The following ROBO2 variants were observed in gnomAD, a reference collection of about 807,000 sequenced individuals.
The protein encoded by ROBO2 is roundabout guidance receptor 2, also known as roundabout homolog 2.
Under a neutral mutation model 160.8 loss-of-function variants are expected in ROBO2, and 53 were observed. That is an observed-to-expected ratio of 0.33 (90% confidence interval 0.26 to 0.41). The LOEUF (loss-of-function observed/expected upper bound fraction) is 0.41, where lower values mean the gene tolerates loss of function less well. ROBO2 is among the 10% of genes least tolerant of loss of function. The pLI is 1.00. For synonymous variants in ROBO2, 664 were observed against 611.7 expected (o/e 1.09, Z -1.26); for missense variants, 1,577 against 1,722.4 (o/e 0.92, Z 1.49).
chr3:77,560,419 A>G (rs752220353), intron 9 of ROBO2, among the ~76,000 whole-genome samples: 4 of 152,184 alleles, frequency 2.6e-5, no homozygotes, highest in Admixed American at 2.0e-4. Flanking sequence ...GGTAATACCA[A>G]GAGTGAGTTT....
At chr3:77,508,670 T>C (rs2088934622) in intron 5 of ROBO2, among the ~76,000 whole-genome samples, 1 of 151,852 alleles carries the variant, frequency 6.6e-6, no homozygotes, top group Non-Finnish European at 1.5e-5. Flanking sequence ...TGATTTAAAA[T>C]ATTCTAAGTA....
intron 2 of ROBO2, among the ~76,000 whole-genome samples, chr3:77,218,145 T>A (rs2085227954): frequency 6.6e-6 from 1 of 152,164 alleles, no homozygotes; most frequent in Admixed American, 6.5e-5. Context: ...CTAATCATCA[T>A]GTATGGATGT....
At position 77,634,588 on chromosome 3, in the gene ROBO2, T is replaced by C. The variant is rs1413669119; in HGVS notation, c.3761-282T>C. 1.7e-5 allele frequency: 7 copies of C among 402,176 alleles called. No individual in the cohort carries two copies. The East Asian group carries it at 3.4e-4, about 20-fold the overall frequency. The allele number at this position is 402,176 out of a possible 1,614,324, so 24.9% of individuals were successfully genotyped here. ...TTGTCAAGGTTAAATAAAAGTATAA[T>C]CATGCAATATTGAGTTGTGGATTGG... On this transcript the variant is annotated intron_variant, in intron 23 of 25. Coordinates refer to ENST00000461745, the Ensembl canonical transcript of ROBO2.
At chr3:76,161,747 G>C (rs1331896242) in intron 2 of ROBO2, among the ~76,000 whole-genome samples, 2 of 151,950 alleles carry the variant, frequency 1.3e-5, no homozygotes, top group South Asian at 4.2e-4. Flanking sequence ...GGTGTGCTTG[G>C]TTCTTACTCT....
intron 2 of ROBO2, among the ~76,000 whole-genome samples, chr3:77,030,718 A>G (rs147328991): frequency 6.6e-6 from 1 of 152,272 alleles, no homozygotes; most frequent in South Asian, 2.1e-4. Flanking sequence ...CATAATCTTC[A>G]TGTAGCTTAT....
intron 2 of ROBO2, among the ~76,000 whole-genome samples, chr3:75,939,161 G>C (rs1947927089): frequency 6.6e-6 from 1 of 152,108 alleles, no homozygotes; most frequent in Admixed American, 6.6e-5. Context: ...GTGGCTATGA[G>C]TTGTTTATTT....
intron 2 of ROBO2, among the ~76,000 whole-genome samples, chr3:77,294,453 A>T (rs981449488): frequency 1.4e-5 from 2 of 142,638 alleles, no homozygotes; most frequent in African/African-American, 5.6e-5. Context: ...AAAGACATAA[A>T]GTAAAATTGA....
chr3:76,331,349 T>A (rs1447753910), intron 2 of ROBO2, among the ~76,000 whole-genome samples: 1 of 152,180 alleles, frequency 6.6e-6, no homozygotes, highest in Non-Finnish European at 1.5e-5. Flanking sequence ...CAATTAGGAA[T>A]AACTTATTTT....
At chr3:76,326,188 G>A (rs1040316292) in intron 2 of ROBO2, among the ~76,000 whole-genome samples, 1 of 152,264 alleles carries the variant, frequency 6.6e-6, no homozygotes, top group African/African-American at 2.4e-5. Flanking sequence ...CACTAAGTAA[G>A]CTTAAGGTTT....
At chr3:76,607,161 C>T (rs949817931) in intron 2 of ROBO2, among the ~76,000 whole-genome samples, 3 of 152,118 alleles carry the variant, frequency 2.0e-5, no homozygotes, top group Non-Finnish European at 4.4e-5. Context: ...AGGAGCAATC[C>T]TCTTGCCTCA....
intron 2 of ROBO2, among the ~76,000 whole-genome samples, chr3:76,300,626 A>C (rs1709306908): frequency 7.7e-6 from 1 of 129,888 alleles, no homozygotes; most frequent in Non-Finnish European, 1.7e-5. Context: ...GCACATATGC[A>C]TATATATATA....
At chr3:76,926,080 T>G (rs1302497196) in intron 2 of ROBO2, among the ~76,000 whole-genome samples, 1 of 152,180 alleles carries the variant, frequency 6.6e-6, no homozygotes, top group Non-Finnish European at 1.5e-5. Flanking sequence ...TCTGGGAATT[T>G]TGGGTTTTTC....
chr3:76,915,987 A>T (rs751722290), intron 2 of ROBO2, among the ~76,000 whole-genome samples: 3 of 152,072 alleles, frequency 2.0e-5, no homozygotes, highest in Non-Finnish European at 2.9e-5. Context: ...TTATAATCAT[A>T]CTAATTCCCA....
chr3:76,427,092 G>A (rs553475301), intron 2 of ROBO2, among the ~76,000 whole-genome samples: 10 of 152,192 alleles, frequency 6.6e-5, no homozygotes, highest in African/African-American at 1.4e-4. Context: ...TGTGCTAGTC[G>A]AAATTGATCA....
intron 1 of ROBO2, among the ~76,000 whole-genome samples, chr3:77,063,438 A>G (rs1331430626): frequency 2.6e-5 from 4 of 152,160 alleles, no homozygotes; most frequent in Non-Finnish European, 5.9e-5. Flanking sequence ...GATAATTAGG[A>G]GTTTCACCAG....
intron 2 of ROBO2, among the ~76,000 whole-genome samples, chr3:77,102,268 G>A (rs949034112): frequency 6.7e-6 from 1 of 149,344 alleles, no homozygotes; most frequent in Admixed American, 6.7e-5. Context: ...ACTGACATTT[G>A]GGATCAGAAA....
chr3:76,815,132 GA>G (rs1159564299), intron 2 of ROBO2, among the ~76,000 whole-genome samples: 1 of 152,020 alleles, frequency 6.6e-6, no homozygotes, highest in African/African-American at 2.4e-5. Context: ...TCTATTGCCT[GA>G]AAATAAATGA....
intron 2 of ROBO2, among the ~76,000 whole-genome samples, chr3:76,283,136 G>GTATATATATATATATATATA (rs547807116): frequency 0.038 from 2,409 of 63,450 alleles, 297 homozygotes; most frequent in Admixed American, 0.075. Context: ...ATATAAAACT[G>GTATATATATATATATATATA]TATATATATA....
At chr3:77,562,603 T>C (rs1205785134) in intron 9 of ROBO2, 48 bp from the exon 11 acceptor site, 2 of 1,341,694 alleles carry the variant, frequency 1.5e-6, no homozygotes, top group South Asian at 1.2e-5. Context: ...GTAATTATTC[T>C]GCAAATTGAC....
Sources: gnomAD v4.1 joint callset for allele counts (sites outside exome capture counted in the v4.1 genomes callset) on GRCh38, gnomAD v4.1.1 for gene constraint, MANE v1.5 for transcripts, NCBI Gene and HGNC (gene_info 2026-07-23, HGNC 2026-07-21) for gene names.